Variants in PARVG observed in about 807,000 individuals in gnomAD.
PARVG encodes gamma-parvin.
A neutral mutation model predicts 44.4 loss-of-function variants in PARVG; 36 were observed. The ratio of observed to expected loss-of-function variants is 0.81; its 90% CI spans 0.62 to 1.07. PARVG has a LOEUF of 1.07. Ranked by LOEUF, PARVG falls within the 50% of genes least tolerant of loss-of-function variation. The probability of loss-of-function intolerance (pLI) is 0.00; values close to 1 mark genes in which losing one functional copy is unlikely to be tolerated. For missense variants in PARVG, 407 were observed against 407.4 expected, an observed-to-expected ratio of 1.00 and a Z score of 0.01; for synonymous variants, 170 against 174.1, an observed-to-expected ratio of 0.98 and a Z score of 0.19.
intron 1 of PARVG, 142 bp from the exon 2 acceptor site, chr22:44,181,600 A>T (rs1262982193): frequency 9.3e-6 from 6 of 641,864 alleles, no homozygotes; most frequent in Non-Finnish European, 1.2e-5. Flanking sequence ...AGGGGGAGAA[A>T]TGAAAGCATT....
chr22:44,192,386 T>A (rs2054560408), intron 8 of PARVG, among the ~76,000 whole-genome samples: 1 of 152,184 alleles, frequency 6.6e-6, no homozygotes, highest in Non-Finnish European at 1.5e-5. Flanking sequence ...GCCCAGTGAA[T>A]CTGTCTCTCT....
chr22:44,180,931 AGAGACCAGCTCGGGTCT>A lies in PARVG; in HGVS notation c.-440_-424del. 1.0e-6 allele frequency: 1 copy of A among 985,394 alleles called. No homozygotes were observed. The highest frequency in any genetic ancestry group is 1.2e-6 in the Non-Finnish European group (1 of 829,924). The allele number at this position is 985,394 out of a possible 1,614,324, so 61.0% of individuals were successfully genotyped here. On this transcript the variant is annotated 5_prime_UTR_variant, in exon 1 of 14. Coordinates refer to ENST00000444313, the MANE Select transcript of PARVG (RefSeq NM_022141.7). ...CCCGGATGGTGAAGATTCCAGCTTG[AGAGACCAGCTCGGGTCT>A]GAAGTGTTTCTCTATCTACTGTGCT... is the stretch of plus-strand genomic sequence containing the variant.
At chr22:44,188,212 G>A in intron 5 of PARVG, 1 of 306,210 alleles carries the variant, frequency 3.3e-6, no homozygotes, top group Non-Finnish European at 6.3e-6. Flanking sequence ...CTGCCCTCGG[G>A]CTGCCCTAGG....
Position 44,198,706 on chromosome 22 carries a change from A to G in PARVG, c.797A>G (p.Asn266Ser), listed in dbSNP as rs144739860. The G allele has an allele frequency of 9.9e-6, 16 of 1,609,666 alleles. No individual in the cohort carries two copies. The African/African-American group carries it at 1.9e-4, about 19-fold the overall frequency. The change falls in exon 12 of 14, where the codon AAC becomes AGC. Residue 266 changes from asparagine to serine, a missense_variant. Physicochemically the swap from Asn to Ser is conservative, Grantham distance 46 (BLOSUM62 1). Transcript: ENST00000444313. ...TTAAAGGAATTCTACCTCACTCCCA[A>G]CTCTCCTGCAGAAATGGTAAGTTTT... is the stretch of plus-strand genomic sequence containing the variant. Reference protein sequence around the residue: ...LHLKEFYLTPNSPAEMLHNVT... With the variant: ...LHLKEFYLTPSSPAEMLHNVT...
rs1427903452 is a variant in PARVG at position 44,186,007 on chromosome 22, C to T, written c.144+135C>T. The T allele has an allele frequency of 8.0e-6, 5 of 624,834 alleles. No individual in the cohort carries two copies. In the East Asian group the frequency reaches 1.6e-4, roughly 20 times the overall value. 38.7% of individuals were successfully genotyped at this position (624,834 alleles called of 1,614,324 possible). On this transcript the variant is annotated intron_variant, in intron 4 of 13. Transcript: ENST00000444313. ...GGGGGGTGGCGACCCCCGAAGACCC[C>T]TGGAAGGCCTGTTGAATGGAGCAAG...
At position 44,205,482 on chromosome 22, in the gene PARVG, C is replaced by T. The variant is rs1207881865; in HGVS notation, c.814-275C>T. Among the ~76,000 whole-genome samples, 8 of 152,230 alleles carry T rather than the reference C, an allele frequency of 5.3e-5. No individual in the cohort carries two copies. In the East Asian group the frequency reaches 7.7e-4, roughly 15 times the overall value. The stretch of plus-strand genomic sequence containing the variant: ...TTTTTCACGGGCAGTGGCCCCTGGA[C>T]GCAAGCGTGTGCCCAGTGTGGTATA... On this transcript the variant is annotated intron_variant, in intron 12 of 13. Coordinates refer to ENST00000444313, the MANE Select transcript of PARVG (RefSeq NM_022141.7).
In PARVG at chr22:44,191,960, G is replaced by A; in HGVS notation, c.505-89G>A. 2.1e-6 allele frequency: 3 copies of A among 1,424,418 alleles called. No homozygotes were observed. The South Asian group carries it at 3.5e-5, about 17-fold the overall frequency. 88.2% of individuals were successfully genotyped at this position (1,424,418 alleles called of 1,614,324 possible). ...TAAGCCAGAGGCTGTCCTGAGGAGG[G>A]ATGATACAGAGCAAACGGATCACTG... is the stretch of plus-strand genomic sequence containing the variant. On this transcript the variant is annotated intron_variant, in intron 7 of 13. Coordinates refer to ENST00000444313, the MANE Select transcript of PARVG (RefSeq NM_022141.7).
chr22:44,175,080 C>A (rs558255286), intron 1 of PARVG, among the ~76,000 whole-genome samples: 1 of 152,264 alleles, frequency 6.6e-6, no homozygotes, highest in African/African-American at 2.4e-5. Flanking sequence ...TGAGACTGCA[C>A]CATTGTATTC....
intron 12 of PARVG, among the ~76,000 whole-genome samples, chr22:44,205,006 C>T (rs78556041): frequency 2.6e-5 from 4 of 152,286 alleles, no homozygotes; most frequent in Non-Finnish European, 5.9e-5. Context: ...TGTGGTGAGC[C>T]CACTTTGCAG....
At chr22:44,190,723 T>G in intron 7 of PARVG, 57 bp downstream of exon 7, 1 of 1,441,588 alleles carries the variant, frequency 6.9e-7, no homozygotes, top group Non-Finnish European at 9.8e-7. Context: ...TGGGCCCCCA[T>G]TGCCGTACCC....
rs1214310327 is a variant in PARVG, at chr22:44,206,635, T to G, written c.*209T>G. ...CCTGGCCTTGCTCAGTTTATTTTAA[T>G]AAAAGTATTTCTGGGAGGGATTCTG... On this transcript the variant is annotated 3_prime_UTR_variant, in exon 14 of 14. Transcript: ENST00000444313. 1.8e-5 allele frequency: 10 copies of G among 562,862 alleles called. No homozygotes were observed. The highest frequency in any genetic ancestry group is 3.2e-5 in the Non-Finnish European group (10 of 316,738). 34.9% of individuals were successfully genotyped at this position (562,862 alleles called of 1,614,324 possible). A position where few individuals can be genotyped will look rare whatever the true frequency, so the allele number is the denominator to read the frequency against.
Position 44,181,088 on chromosome 22 carries a change from A to G in PARVG, c.-286A>G, listed in dbSNP as rs2054368700. On this transcript the variant is annotated 5_prime_UTR_variant, in exon 1 of 14. Coordinates refer to ENST00000444313, the MANE Select transcript of PARVG (RefSeq NM_022141.7). ...ACTCCTATGCAGCCGTCAAGGCCCCATTCTCCTCTGGAAAGCCTTCCCGAT... is the reference window on the plus strand; with the variant it reads ...ACTCCTATGCAGCCGTCAAGGCCCCGTTCTCCTCTGGAAAGCCTTCCCGAT... 1 of 692,608 alleles carries G rather than the reference A, an allele frequency of 1.4e-6. No individual in the cohort carries two copies. Among genetic ancestry groups the G allele is most frequent in the Non-Finnish European group, 1.8e-6 (1 of 562,368 alleles). The allele number at this position is 692,608 out of a possible 1,614,324, so 42.9% of individuals were successfully genotyped here.
intron 6 of PARVG, among the ~76,000 whole-genome samples, chr22:44,190,087 G>A (rs769354704): frequency 1.3e-5 from 2 of 152,170 alleles, no homozygotes; most frequent in African/African-American, 4.8e-5. Context: ...AAGGTTGGGC[G>A]GTGAGGATTT....
intron 1 of PARVG, chr22:44,173,323 G>A (rs8137383): frequency 0.34 from 258,336 of 767,952 alleles, 46,322 homozygotes; most frequent in African/African-American, 0.44. Flanking sequence ...ACGTCACTGG[G>A]CCTTGCATGC....
At chr22:44,198,158 A>G (rs1044787322) in intron 11 of PARVG, among the ~76,000 whole-genome samples, 4 of 152,222 alleles carry the variant, frequency 2.6e-5, no homozygotes, top group African/African-American at 9.7e-5. Flanking sequence ...AAGAGTCTCA[A>G]TAGGATTATA....
intron 9 of PARVG, 148 bp downstream of exon 9, chr22:44,193,971 C>A: frequency 9.4e-7 from 1 of 1,062,284 alleles, no homozygotes; most frequent in Non-Finnish European, 1.4e-6. Context: ...ATTCATTTGT[C>A]CCTCTTTCTG....
Position 44,182,028 on chromosome 22 carries a change from G to A in PARVG, c.-13+111G>A. On this transcript the variant is annotated intron_variant, in intron 2 of 13. Transcript: ENST00000444313. This position sits in a 1 kb window ranked among gnomAD's most constrained non-coding sequence, Gnocchi z 4.6. Reference sequence around the variant, plus strand: ...AGTGCAGTCCCAGCCCAGGCCACCCGGGGAAGGGAGTCGGTAAAGTGGGAC... The same window carrying A: ...AGTGCAGTCCCAGCCCAGGCCACCCAGGGAAGGGAGTCGGTAAAGTGGGAC... 3.4e-6 allele frequency: 3 copies of A among 872,882 alleles called. No individual in the cohort carries two copies. Among genetic ancestry groups the A allele is most frequent in the South Asian group, 5.2e-5 (1 of 19,070 alleles). 54.1% of individuals were successfully genotyped at this position (872,882 alleles called of 1,614,324 possible).
chr22:44,206,344 C>CA lies in PARVG; in HGVS notation c.915dup (p.Leu306ThrfsTer62), dbSNP rs1467628139. ...ATCGTGAACAAGGATGCCAAGAGCA[C>CA]ACTGAGGGTGCTCTATGGTCTGTTC... On this transcript the variant is annotated frameshift_variant, in exon 14 of 14. Coordinates refer to ENST00000444313, the MANE Select transcript of PARVG (RefSeq NM_022141.7). LOFTEE classifies it low-confidence loss of function (END_TRUNC). 3.1e-6 allele frequency: 5 copies of CA among 1,613,768 alleles called. No homozygotes were observed. Among genetic ancestry groups the CA allele is most frequent in the Non-Finnish European group, 4.2e-6 (5 of 1,179,956 alleles).
intron 9 of PARVG, among the ~76,000 whole-genome samples, chr22:44,195,640 G>A (rs2054607509): frequency 6.6e-6 from 1 of 152,182 alleles, no homozygotes; most frequent in Non-Finnish European, 1.5e-5. Context: ...ACTCTTGGGG[G>A]CGGGGGGAGG....
Sources: gnomAD v4.1 joint callset for allele counts (sites outside exome capture counted in the v4.1 genomes callset) on GRCh38, gnomAD v4.1.1 for gene constraint, Gnocchi (gnomAD v3.1) non-coding constraint, MANE v1.5 for transcripts, NCBI Gene and HGNC (gene_info 2026-07-23, HGNC 2026-07-21) for gene names.